Variants in INTS4 observed in about 807,000 individuals in gnomAD.
INTS4 encodes MSTP093.
In INTS4, 70 loss-of-function variants were observed where a neutral mutation model predicts 119.5. The observed-to-expected ratio is 0.59, with a 90% CI of 0.48 to 0.71. INTS4 has a LOEUF of 0.71. INTS4 is among the 30% of genes least tolerant of loss of function. The pLI is 0.00. For missense variants in INTS4, 867 were observed against 1,173.2 expected (o/e 0.74, Z 3.81); for synonymous variants, 316 against 419.6 (o/e 0.75, Z 3.02).
intron 4 of INTS4, among the ~76,000 whole-genome samples, chr11:77,972,500 T>C (rs1444294284): frequency 6.6e-6 from 1 of 152,020 alleles, no homozygotes; most frequent in African/African-American, 2.4e-5. Flanking sequence ...CACTGCAACC[T>C]CCGCCTCCCA....
chr11:77,940,182 A>G (rs1198980291), intron 9 of INTS4, among the ~76,000 whole-genome samples: 4 of 152,188 alleles, frequency 2.6e-5, no homozygotes, highest in Non-Finnish European at 5.9e-5. Flanking sequence ...TAATCCCAGC[A>G]CTTTGGGAGG....
Position 77,959,195 on chromosome 11 carries a change from T to C in INTS4, c.709-361A>G, listed in dbSNP as rs539579906. ...CTGTAAAAATCAAAGCACACACTTC[T>C]GTTTACCTTGGTCTGAAATCACTGG... On this transcript the variant is annotated intron_variant, in intron 6 of 22. Coordinates refer to ENST00000534064, the MANE Select transcript of INTS4 (RefSeq NM_033547.4). 1.3e-3 allele frequency among the ~76,000 whole-genome samples: 199 copies of C among 152,344 alleles called. 1 individual carries two copies. The highest frequency in any genetic ancestry group is 4.6e-3 in the African/African-American group (192 of 41,590).
chr11:77,891,366 C>T lies in INTS4; in HGVS notation c.2545G>A (p.Ala849Thr). The change falls in exon 21 of 23, where the codon GCA (alanine) becomes ACA (threonine). Residue 849 changes from alanine (A) to threonine (T), a missense_variant. By Grantham distance (58) the Ala-to-Thr change is moderately conservative. Around this residue, in one of 5 missense-constraint regions of INTS4, gnomAD observed 262 missense variants for 376.0 expected, o/e 0.70. Transcript: ENST00000534064. Reference protein sequence around the residue: ...SGLVVALDVDATLEHVQDPQN... With the variant: ...SGLVVALDVDTTLEHVQDPQN... The stretch of plus-strand genomic sequence containing the variant: ...GGATCCTGCACATGCTCCAGGGTTG[C>T]ATCAACATCCAGGGCAACCACCAAC... 2 of 1,611,360 alleles carry T rather than the reference C, an allele frequency of 1.2e-6. No homozygotes were observed. The highest frequency in any genetic ancestry group is 1.7e-6 in the Non-Finnish European group (2 of 1,178,868).
chr11:77,875,739 A>G (rs766128363), downstream of INTS4, among the ~76,000 whole-genome samples: 2 of 152,224 alleles, frequency 1.3e-5, no homozygotes, highest in Admixed American at 6.5e-5. Context: ...TTCCAAGCCC[A>G]TAAGAGACAC....
downstream of INTS4, among the ~76,000 whole-genome samples, chr11:77,878,422 T>C: frequency 6.6e-6 from 1 of 152,102 alleles, no homozygotes; most frequent in East Asian, 1.9e-4. Context: ...TATTCAGTCC[T>C]TGGCCCAGCT....
chr11:77,884,748 CTTCT>C lies in INTS4; in HGVS notation c.2593-800_2593-797del, dbSNP rs568996719. 60 of 377,826 alleles carry C rather than the reference CTTCT, an allele frequency of 1.6e-4. No individual in the cohort carries two copies. The East Asian group carries it at 3.0e-3, about 19-fold the overall frequency. The allele number at this position is 377,826 out of a possible 1,614,324, so 23.4% of individuals were successfully genotyped here. ...CATGGGGCCTCCCCCTGATTCTACACTTCTTTCTTTCTTTTTTTTTCTTTAAAAC... is the reference window on the plus strand; with the variant it reads ...CATGGGGCCTCCCCCTGATTCTACACTTCTTTCTTTTTTTTTCTTTAAAAC... On this transcript the variant is annotated intron_variant, in intron 21 of 22. Transcript: ENST00000534064.
chr11:77,954,788 C>G (rs1168091250), intron 8 of INTS4, among the ~76,000 whole-genome samples: 1 of 152,222 alleles, frequency 6.6e-6, no homozygotes, highest in African/African-American at 2.4e-5. Context: ...TCATCTACCA[C>G]TCACCTCCTG....
intron 8 of INTS4, among the ~76,000 whole-genome samples, chr11:77,946,178 A>C (rs1400953673): frequency 6.6e-6 from 1 of 152,258 alleles, no homozygotes; most frequent in East Asian, 1.9e-4. Flanking sequence ...CCCACAGCCT[A>C]GGCAACTGAG....
intron 19 of INTS4, among the ~76,000 whole-genome samples, chr11:77,893,619 G>A (rs960015695): frequency 6.6e-6 from 1 of 151,930 alleles, no homozygotes; most frequent in Admixed American, 6.6e-5. Flanking sequence ...GTCAGACACG[G>A]CGGTGGCTCA....
At chr11:77,957,667 T>C (rs1954364593) in intron 7 of INTS4, among the ~76,000 whole-genome samples, 1 of 146,448 alleles carries the variant, frequency 6.8e-6, no homozygotes, top group African/African-American at 2.5e-5. Context: ...GAACTTCTTT[T>C]TTTTTTTTTT....
In INTS4 at chr11:77,974,243, T is replaced by C. The variant is rs1333957955; in HGVS notation, c.471+4753A>G. On this transcript the variant is annotated intron_variant, in intron 4 of 22. Transcript: ENST00000534064. Reference sequence around the variant, plus strand: ...TGGTATATAATTTTTCTTTTCTTTTTTTTTTTTTTTTTTTTTTGAGATGGA... The same window carrying C: ...TGGTATATAATTTTTCTTTTCTTTTCTTTTTTTTTTTTTTTTTGAGATGGA... 1.1e-4 allele frequency among the ~76,000 whole-genome samples: 16 copies of C among 141,082 alleles called. No individual in the cohort carries two copies. The South Asian group carries it at 1.6e-3, about 14-fold the overall frequency. 92.6% of individuals were successfully genotyped at this position (141,082 alleles called of 152,430 possible).
chr11:77,887,977 T>C (rs567052302), intron 21 of INTS4, among the ~76,000 whole-genome samples: 2 of 152,260 alleles, frequency 1.3e-5, no homozygotes, highest in South Asian at 2.1e-4. Flanking sequence ...AGAATCAATA[T>C]TGTGAAAATG....
chr11:77,894,947 C>T (rs1272802988), intron 18 of INTS4, among the ~76,000 whole-genome samples: 3 of 152,150 alleles, frequency 2.0e-5, no homozygotes, highest in Non-Finnish European at 4.4e-5. Context: ...GCGGTATAGC[C>T]TACTAATGTA....
intron 8 of INTS4, among the ~76,000 whole-genome samples, chr11:77,954,019 G>A (rs1182311747): frequency 1.3e-5 from 2 of 151,780 alleles, no homozygotes; most frequent in Non-Finnish European, 2.9e-5. Flanking sequence ...TCACCATGTT[G>A]GCCAGGATGG....
intron 10 of INTS4, among the ~76,000 whole-genome samples, chr11:77,930,485 T>C (rs1953619536): frequency 6.6e-6 from 1 of 152,218 alleles, no homozygotes; most frequent in Non-Finnish European, 1.5e-5. Context: ...TAGAATTTTA[T>C]CCATTACACC....
At chr11:77,920,264 TAC>T (rs1953323620) in intron 14 of INTS4, among the ~76,000 whole-genome samples, 1 of 144,624 alleles carries the variant, frequency 6.9e-6, no homozygotes, top group East Asian at 2.0e-4. Flanking sequence ...TATACATATA[TAC>T]ACATATATAT....
At chr11:77,925,251 T>C (rs1448516274) in intron 11 of INTS4, among the ~76,000 whole-genome samples, 2 of 152,208 alleles carry the variant, frequency 1.3e-5, no homozygotes, top group African/African-American at 2.4e-5. Context: ...CACATACTTA[T>C]TAAGTTTGCC....
Position 77,922,373 on chromosome 11 carries a change from T to C in INTS4, c.1613A>G (p.Asp538Gly). 1.4e-6 allele frequency: 2 copies of C among 1,462,360 alleles called. No homozygotes were observed. Among genetic ancestry groups the C allele is most frequent in the Non-Finnish European group, 1.8e-6 (2 of 1,105,752 alleles). 90.6% of individuals were successfully genotyped at this position (1,462,360 alleles called of 1,614,324 possible). ...GAGGATACAAGCTGGATCATCCATGTCTGGTTCAGCTGTGTCAAAAAATGG... is the reference window on the plus strand; with the variant it reads ...GAGGATACAAGCTGGATCATCCATGCCTGGTTCAGCTGTGTCAAAAAATGG... ...THPFFDTAEP[D>G]MDDPAYIAVL... Residue 538 changes from aspartate (D) to glycine (G), a missense_variant, in exon 13 of 23, where the codon GAC (aspartate) becomes GGC (glycine). By Grantham distance (94) the Asp-to-Gly change is moderately conservative (BLOSUM62 -1). Coordinates refer to ENST00000534064, the MANE Select transcript of INTS4 (RefSeq NM_033547.4).
intron 19 of INTS4, among the ~76,000 whole-genome samples, chr11:77,893,302 A>G (rs1186682067): frequency 1.3e-5 from 2 of 152,252 alleles, no homozygotes; most frequent in Admixed American, 6.5e-5. Context: ...ATAGAGAAAT[A>G]TGCAAGTGTA....
Sources: gnomAD v4.1 joint callset for allele counts (sites outside exome capture counted in the v4.1 genomes callset) on GRCh38, gnomAD v4.1.1 for gene constraint, gnomAD v4.1.1 regional missense constraint, MANE v1.5 for transcripts, NCBI Gene and HGNC (gene_info 2026-07-23, HGNC 2026-07-21) for gene names.